Variants in SLC22A15 observed in about 807,000 individuals in gnomAD.
SLC22A15 encodes flipt 1.
Under a neutral mutation model 62.7 loss-of-function variants are expected in SLC22A15, and 45 were observed. The ratio of observed to expected loss-of-function variants is 0.72; its 90% CI spans 0.56 to 0.92. The LOEUF is 0.92. SLC22A15 is among the 40% of genes least tolerant of loss of function. The probability of loss-of-function intolerance (pLI) is 0.00; values close to 1 mark genes in which losing one functional copy is unlikely to be tolerated. For missense variants in SLC22A15, 622 were observed against 665.6 expected (o/e 0.93, Z 0.72); for synonymous variants, 264 against 267.0 (o/e 0.99, Z 0.11).
At chr1:115,997,830 T>A (rs1357735986) in intron 2 of SLC22A15, among the ~76,000 whole-genome samples, 2 of 152,190 alleles carry the variant, frequency 1.3e-5, no homozygotes, top group Non-Finnish European at 2.9e-5. Context: ...CAGTACTAAG[T>A]TGAAAAATGG....
At chr1:116,056,627 G>T (rs1422666146) in intron 8 of SLC22A15, among the ~76,000 whole-genome samples, 2 of 151,600 alleles carry the variant, frequency 1.3e-5, no homozygotes, top group African/African-American at 4.8e-5. Context: ...AACAAAGCTG[G>T]AGGCATCACG....
intron 8 of SLC22A15, among the ~76,000 whole-genome samples, chr1:116,062,385 C>T (rs187025627): frequency 5.9e-5 from 9 of 152,232 alleles, no homozygotes; most frequent in Non-Finnish European, 1.0e-4. Flanking sequence ...CACTGTTTTA[C>T]GTCATTGATT....
intron 8 of SLC22A15, among the ~76,000 whole-genome samples, chr1:116,059,698 C>CT (rs1192405796): frequency 2.0e-5 from 3 of 152,132 alleles, no homozygotes; most frequent in African/African-American, 7.2e-5. Context: ...CTGTACCTGT[C>CT]TTAAAGATTT....
chr1:116,014,824 C>G (rs919453759), intron 2 of SLC22A15, among the ~76,000 whole-genome samples: 2 of 152,124 alleles, frequency 1.3e-5, no homozygotes, highest in Non-Finnish European at 2.9e-5. Flanking sequence ...CTTAAAATGA[C>G]CTGGTAATAT....
Position 116,067,934 on chromosome 1 carries a change from T to C in SLC22A15, c.*826T>C, listed in dbSNP as rs143146153. On this transcript the variant is annotated 3_prime_UTR_variant, in exon 12 of 12. Coordinates refer to ENST00000369503, the MANE Select transcript of SLC22A15 (RefSeq NM_018420.3). The stretch of plus-strand genomic sequence containing the variant: ...ATCATGCATAGTAAATGAGAAAGCT[T>C]TAAGTAGAGGGCAGTTAAACAGTGA... 6.6e-6 allele frequency: 1 copy of C among 152,296 alleles called. No individual in the cohort carries two copies. The highest frequency in any genetic ancestry group is 2.4e-5 in the African/African-American group (1 of 41,552). 9.4% of individuals were successfully genotyped at this position (152,296 alleles called of 1,614,324 possible).
At chr1:116,056,562 G>T (rs550183048) in intron 8 of SLC22A15, among the ~76,000 whole-genome samples, 92 of 151,614 alleles carry the variant, frequency 6.1e-4, no homozygotes, top group African/African-American at 2.2e-3. Flanking sequence ...CTACTTTAAA[G>T]TTCATATGGA....
intron 1 of SLC22A15, among the ~76,000 whole-genome samples, chr1:115,981,323 A>C (rs1054348509): frequency 6.6e-6 from 1 of 152,218 alleles, no homozygotes; most frequent in Non-Finnish European, 1.5e-5. Flanking sequence ...AGTCCAAAAC[A>C]TGTGGCCATT....
intron 10 of SLC22A15, among the ~76,000 whole-genome samples, chr1:116,065,997 G>A (rs60951340): frequency 0.044 from 6,714 of 152,226 alleles, 191 homozygotes; most frequent in African/African-American, 0.07. Context: ...TATGTATGTC[G>A]TAGGGTTGGT....
intron 2 of SLC22A15, among the ~76,000 whole-genome samples, chr1:116,018,488 C>T (rs968975114): frequency 3.3e-5 from 5 of 152,156 alleles, no homozygotes; most frequent in Admixed American, 1.3e-4. Context: ...CCTCAGCCTC[C>T]CAAGTAGCTG....
intron 6 of SLC22A15, 138 bp from the exon 7 acceptor site, chr1:116,035,049 G>T: frequency 2.3e-6 from 2 of 875,360 alleles, no homozygotes; most frequent in South Asian, 2.7e-5. Context: ...AAATTAGTAG[G>T]AGAGACAAGC....
chr1:116,049,540 C>A (rs1257409162), intron 8 of SLC22A15, among the ~76,000 whole-genome samples: 1 of 152,094 alleles, frequency 6.6e-6, no homozygotes, highest in Non-Finnish European at 1.5e-5. Flanking sequence ...TTAAAAAATT[C>A]TTCGAACTGA....
chr1:116,027,037 C>T lies in SLC22A15; in HGVS notation c.728+15C>T. 1 of 1,611,288 alleles carries T rather than the reference C, an allele frequency of 6.2e-7. No homozygotes were observed. Among genetic ancestry groups the T allele is most frequent in the Non-Finnish European group, 8.5e-7 (1 of 1,178,646 alleles). ...CTCTTATCTTTGTAAGTAGTTTTTC[C>T]TCTTAGAGTTTTAATTTAAAAAGCC... On this transcript the variant is annotated intron_variant, in intron 5 of 11. Transcript: ENST00000369503.
intron 7 of SLC22A15, among the ~76,000 whole-genome samples, chr1:116,035,561 A>C (rs1657604301): frequency 6.6e-6 from 1 of 152,194 alleles, no homozygotes; most frequent in South Asian, 2.1e-4. Context: ...TTCAATATTG[A>C]ATATCGAAAT....
intron 8 of SLC22A15, among the ~76,000 whole-genome samples, chr1:116,058,503 T>G (rs1368475153): frequency 6.6e-6 from 1 of 152,148 alleles, no homozygotes; most frequent in Non-Finnish European, 1.5e-5. Context: ...AGGGAACACT[T>G]CCACACTGCT....
intron 8 of SLC22A15, among the ~76,000 whole-genome samples, chr1:116,038,533 G>T (rs1244841851): frequency 1.3e-5 from 2 of 152,172 alleles, no homozygotes; most frequent in African/African-American, 4.8e-5. Flanking sequence ...GCTTTAAAAT[G>T]ATTTTCATAG....
chr1:115,996,694 T>A (rs561154441), intron 2 of SLC22A15, among the ~76,000 whole-genome samples: 1 of 40,634 alleles, frequency 2.5e-5, no homozygotes, highest in South Asian at 1.4e-3. Context: ...TATGTTAATC[T>A]TGTATCCTTT....
chr1:115,985,153 C>A (rs778224878), intron 1 of SLC22A15, among the ~76,000 whole-genome samples: 6 of 152,158 alleles, frequency 3.9e-5, no homozygotes, highest in Admixed American at 3.9e-4. Context: ...CCCGCAGGCT[C>A]CGTTCATGGT....
intron 2 of SLC22A15, among the ~76,000 whole-genome samples, chr1:115,993,467 C>G (rs567680677): frequency 0.018 from 2,429 of 137,452 alleles, 68 homozygotes; most frequent in African/African-American, 0.066. Flanking sequence ...GTCTGTCTGT[C>G]TGTCTGTCTG....
intron 8 of SLC22A15, among the ~76,000 whole-genome samples, chr1:116,052,610 G>A (rs1307608925): frequency 6.6e-6 from 1 of 152,208 alleles, no homozygotes; most frequent in Non-Finnish European, 1.5e-5. Flanking sequence ...TCTTCAAGTG[G>A]GTCCCTGACC....
Sources: allele counts gnomAD v4.1 joint callset (sites outside exome capture counted in the v4.1 genomes callset), GRCh38; gene constraint gnomAD v4.1.1; transcripts MANE v1.5; gene names NCBI Gene and HGNC (gene_info 2026-07-23, HGNC 2026-07-21).